The following LINGO2 variants were observed in gnomAD, a reference collection of about 807,000 sequenced individuals.
LINGO2 encodes leucine-rich repeat and immunoglobulin-like domain-containing nogo receptor-interacting protein 2.
A neutral mutation model predicts 30.6 loss-of-function variants in LINGO2; 14 were observed. The ratio of observed to expected loss-of-function variants is 0.46; its 90% confidence interval spans 0.30 to 0.72. The LOEUF is 0.72. LINGO2 is among the 30% of genes least tolerant of loss of function. The probability of loss-of-function intolerance (pLI) is 0.07; values close to 1 mark genes in which losing one functional copy is unlikely to be tolerated. For missense variants in LINGO2, 729 were observed against 751.7 expected (o/e 0.97, Z 0.35); for synonymous variants, 317 against 288.5 (o/e 1.10, Z -1.00).
chr9:28,120,971 C>G (rs1026533578), intron 4 of LINGO2, among the ~76,000 whole-genome samples: 2 of 152,130 alleles, frequency 1.3e-5, no homozygotes, highest in Admixed American at 1.3e-4. Context: ...TTATCATACA[C>G]AAAAACATCT....
rs780871723 is a variant in LINGO2 at position 28,512,591 on chromosome 9, GTGTATATATATATATATATATATATATA to G, written c.-364-36594_-364-36567del. On this transcript the variant is annotated intron_variant, in intron 1 of 5. Coordinates refer to ENST00000379992, the Ensembl canonical transcript of LINGO2. ...GACAGAACTAACAGGATATATATGTGTGTATATATATATATATATATATATATATATATATATATATATATACACACAT... is the reference window on the plus strand; with the variant it reads ...GACAGAACTAACAGGATATATATGTGTATATATATATATATATACACACAT... Among the ~76,000 whole-genome samples, 8 of 15,826 alleles carry G rather than the reference GTGTATATATATATATATATATATATATA, an allele frequency of 5.1e-4. 1 individual carries two copies. The highest frequency in any genetic ancestry group is 3.2e-4 in the Non-Finnish European group (3 of 9,364). The allele number at this position is 15,826 out of a possible 152,430, so 10.4% of individuals were successfully genotyped here. A position where few individuals can be genotyped will look rare whatever the true frequency, so the allele number is the denominator to read the frequency against.
At chr9:28,139,632 A>T (rs10968352) in intron 4 of LINGO2, among the ~76,000 whole-genome samples, 1 of 151,926 alleles carries the variant, frequency 6.6e-6, no homozygotes, top group Admixed American at 6.6e-5. Context: ...TCCTACTGTG[A>T]GATTTAATTT....
intron 4 of LINGO2, among the ~76,000 whole-genome samples, chr9:28,054,690 C>T (rs913045832): frequency 6.6e-6 from 1 of 152,028 alleles, no homozygotes. Flanking sequence ...CCCTAATTCA[C>T]AAAAAATTAT....
chr9:28,810,572 T>C, the LINGO2 span, among the ~76,000 whole-genome samples: 1 of 152,100 alleles, frequency 6.6e-6, no homozygotes, highest in African/African-American at 2.4e-5. Context: ...TAATGATGTT[T>C]ATCCTGGGCA....
chr9:28,816,248 G>A, the LINGO2 span, among the ~76,000 whole-genome samples: 1 of 152,052 alleles, frequency 6.6e-6, no homozygotes, highest in Non-Finnish European at 1.5e-5. Flanking sequence ...ATGAACTTTG[G>A]GGGACACATT....
intron 5 of LINGO2, among the ~76,000 whole-genome samples, chr9:27,965,057 T>C (rs1047963522): frequency 6.6e-6 from 1 of 152,150 alleles, no homozygotes; most frequent in African/African-American, 2.4e-5. Context: ...ATATTTGTTT[T>C]CTAGATTTGC....
At chr9:29,100,980 G>C in the LINGO2 span, among the ~76,000 whole-genome samples, 2 of 152,208 alleles carry the variant, frequency 1.3e-5, no homozygotes, top group Non-Finnish European at 2.9e-5. Flanking sequence ...GGTGGTAGCA[G>C]TAGGAATGGA....
intron 4 of LINGO2, among the ~76,000 whole-genome samples, chr9:28,067,425 C>T (rs1825346282): frequency 6.6e-6 from 1 of 151,974 alleles, no homozygotes; most frequent in South Asian, 2.1e-4. Flanking sequence ...AAAATAAAAA[C>T]AATTATATTT....
the LINGO2 span, among the ~76,000 whole-genome samples, chr9:28,788,530 G>A: frequency 2.0e-5 from 3 of 152,262 alleles, no homozygotes; most frequent in East Asian, 1.9e-4. Flanking sequence ...TTTTCATACC[G>A]CTATAGAGAA....
At chr9:28,046,176 T>C (rs1824412852) in intron 4 of LINGO2, among the ~76,000 whole-genome samples, 1 of 152,198 alleles carries the variant, frequency 6.6e-6, no homozygotes, top group East Asian at 1.9e-4. Context: ...GCTATTTCAA[T>C]AGCTAACTTC....
the LINGO2 span, among the ~76,000 whole-genome samples, chr9:28,911,166 TA>T: frequency 6.6e-6 from 1 of 151,984 alleles, no homozygotes; most frequent in Non-Finnish European, 1.5e-5. Flanking sequence ...GGGTAGAATA[TA>T]AAAAGGTAAA....
At chr9:27,950,066 G>T (rs1317999809) in exon 6 of LINGO2, 2 of 1,614,004 alleles carry the variant, frequency 1.2e-6, no homozygotes, top group African/African-American at 1.3e-5. Context: ...GGCTGATGAG[G>T]CTGCGGAGGT....
intron 5 of LINGO2, among the ~76,000 whole-genome samples, chr9:27,992,510 A>T (rs186385459): frequency 1.7e-3 from 259 of 152,232 alleles, no homozygotes; most frequent in African/African-American, 5.9e-3. Flanking sequence ...AGCCAAAAAA[A>T]ATTAAAATAG....
At chr9:29,029,006 T>C in the LINGO2 span, among the ~76,000 whole-genome samples, 1 of 152,164 alleles carries the variant, frequency 6.6e-6, no homozygotes, top group African/African-American at 2.4e-5. Flanking sequence ...GGTCATAGCA[T>C]GGCCTGGGAA....
intron 4 of LINGO2, among the ~76,000 whole-genome samples, chr9:28,214,652 A>G (rs1820703673): frequency 2.6e-5 from 4 of 151,598 alleles, no homozygotes; most frequent in Admixed American, 2.0e-4. Context: ...GGGGAATACT[A>G]AGAAAATAGT....
At chr9:28,348,787 C>T (rs367765311) in intron 3 of LINGO2, among the ~76,000 whole-genome samples, 182 of 151,900 alleles carry the variant, frequency 1.2e-3, no homozygotes, top group African/African-American at 3.6e-3. Flanking sequence ...TCTCCCAGCA[C>T]GCAGCTGGAG....
chr9:28,278,105 C>T (rs10812771), intron 4 of LINGO2, among the ~76,000 whole-genome samples: 14,333 of 152,180 alleles, frequency 0.094, 882 homozygotes, highest in Middle Eastern at 0.25. Flanking sequence ...TTCCATTAAG[C>T]CAAAGCCTAA....
the LINGO2 span, among the ~76,000 whole-genome samples, chr9:29,153,725 T>G: frequency 2.0e-5 from 3 of 152,206 alleles, no homozygotes; most frequent in Admixed American, 6.5e-5. Flanking sequence ...ACTGAGGAAA[T>G]ATAAATCTCT....
chr9:28,898,623 G>C, the LINGO2 span, among the ~76,000 whole-genome samples: 1 of 151,972 alleles, frequency 6.6e-6, no homozygotes. Flanking sequence ...CGCTAAATTT[G>C]ATGATAAGGA....
Sources: gnomAD v4.1 joint callset for allele counts (sites outside exome capture counted in the v4.1 genomes callset) on GRCh38, gnomAD v4.1.1 for gene constraint, MANE v1.5 for transcripts, NCBI Gene and HGNC (gene_info 2026-07-23, HGNC 2026-07-21) for gene names.